The following FOXO1 variants were observed in gnomAD, a reference collection of about 807,000 sequenced individuals.
The protein encoded by FOXO1 is forkhead box protein O1.
In FOXO1, 6 loss-of-function variants were observed where a neutral mutation model predicts 44.1. That is an observed-to-expected ratio of 0.14 (90% CI 0.07 to 0.27). The LOEUF is 0.27. Ranked by LOEUF, FOXO1 falls within the 10% of genes least tolerant of loss-of-function variation. The probability of loss-of-function intolerance (pLI) is 1.00; values close to 1 mark genes in which losing one functional copy is unlikely to be tolerated. For synonymous variants in FOXO1, 380 were observed against 362.7 expected (o/e 1.05, Z -0.54); for missense variants, 737 against 888.8 (o/e 0.83, Z 2.17).
intron 1 of FOXO1, among the ~76,000 whole-genome samples, chr13:40,591,029 C>T (rs1329152539): frequency 2.6e-5 from 4 of 152,018 alleles, no homozygotes; most frequent in Non-Finnish European, 5.9e-5. Flanking sequence ...GAGGATGGGG[C>T]CTGGGGACAG....
chr13:40,590,736 T>C (rs1875335888), intron 1 of FOXO1, among the ~76,000 whole-genome samples: 1 of 152,216 alleles, frequency 6.6e-6, no homozygotes, highest in Non-Finnish European at 1.5e-5. Context: ...CACGCTGGAC[T>C]AATGCCTTCT....
chr13:40,607,751 C>T (rs1156662739), intron 1 of FOXO1, among the ~76,000 whole-genome samples: 1 of 152,236 alleles, frequency 6.6e-6, no homozygotes, highest in Non-Finnish European at 1.5e-5. Flanking sequence ...AATGGAGGTG[C>T]CAATAAATGA....
intron 1 of FOXO1, among the ~76,000 whole-genome samples, chr13:40,565,627 T>C (rs775915681): frequency 1.3e-5 from 2 of 152,224 alleles, no homozygotes; most frequent in African/African-American, 4.8e-5. Flanking sequence ...TTGTACACTG[T>C]ATCCTCACAG....
rs1873752058 is a variant in FOXO1 at position 40,556,406 on chromosome 13, T to C, written c.*2643A>G. 6.5e-6 allele frequency: 1 copy of C among 152,688 alleles called. No homozygotes were observed. Among genetic ancestry groups the C allele is most frequent in the Admixed American group, 6.5e-5 (1 of 15,288 alleles). 9.5% of individuals were successfully genotyped at this position (152,688 alleles called of 1,614,324 possible). Reference sequence around the variant, plus strand: ...AAACAATACATCTTTATATTTAAAATATCTGAATAGCTCTATAATACAATA... The same window carrying C: ...AAACAATACATCTTTATATTTAAAACATCTGAATAGCTCTATAATACAATA... On this transcript the variant is annotated 3_prime_UTR_variant, in exon 3 of 3. Coordinates refer to ENST00000379561, the MANE Select transcript of FOXO1 (RefSeq NM_002015.4).
At chr13:40,573,786 T>C (rs1458383449) in intron 1 of FOXO1, among the ~76,000 whole-genome samples, 1 of 152,240 alleles carries the variant, frequency 6.6e-6, no homozygotes, top group Non-Finnish European at 1.5e-5. Flanking sequence ...CTTGATCTTT[T>C]AAAACACACT....
chr13:40,608,235 A>G (rs1326628381), intron 1 of FOXO1, among the ~76,000 whole-genome samples: 2 of 152,196 alleles, frequency 1.3e-5, no homozygotes, highest in African/African-American at 4.8e-5. Context: ...TCTTGTCGGT[A>G]AAGTACACTT....
chr13:40,621,057 C>CA (rs1876597667), intron 1 of FOXO1: 1 of 193,098 alleles, frequency 5.2e-6, no homozygotes, highest in Non-Finnish European at 1.1e-5. Flanking sequence ...CTCGGCCTCC[C>CA]AAAGTGCTAG....
At position 40,620,444 on chromosome 13, in the gene FOXO1, A is replaced by C. The variant is rs1876571695; in HGVS notation, c.630+45139T>G. 26 of 647,044 alleles carry C rather than the reference A, an allele frequency of 4.0e-5. 1 individual carries two copies. The South Asian group carries it at 4.2e-4, about 10-fold the overall frequency. The allele number at this position is 647,044 out of a possible 1,614,324, so 40.1% of individuals were successfully genotyped here. On this transcript the variant is annotated intron_variant, in intron 1 of 2. Coordinates refer to ENST00000379561, the MANE Select transcript of FOXO1 (RefSeq NM_002015.4). ...TTTCTGAGAACGAGCTTGTTGAGCC[A>C]TCATCAGTGGCTCTTCGGTCAATCT...
intron 1 of FOXO1, among the ~76,000 whole-genome samples, chr13:40,644,968 A>G (rs1877465028): frequency 6.6e-6 from 1 of 152,238 alleles, no homozygotes; most frequent in African/African-American, 2.4e-5. Flanking sequence ...GCTAAACCAG[A>G]CTAAACCAGA....
intron 1 of FOXO1, among the ~76,000 whole-genome samples, chr13:40,561,825 C>T (rs1214330634): frequency 3.3e-5 from 5 of 150,660 alleles, no homozygotes; most frequent in African/African-American, 9.8e-5. Context: ...AAAAATTAGT[C>T]GGGTGTGGTG....
At chr13:40,590,486 C>G (rs977274892) in intron 1 of FOXO1, among the ~76,000 whole-genome samples, 1 of 152,216 alleles carries the variant, frequency 6.6e-6, no homozygotes, top group African/African-American at 2.4e-5. Context: ...GGATAGATGT[C>G]AAGTGTTCCA....
intron 1 of FOXO1, 74 bp downstream of exon 1, chr13:40,665,509 G>A (rs962036367): frequency 2.2e-4 from 269 of 1,239,550 alleles, no homozygotes; most frequent in Non-Finnish European, 2.6e-4. Context: ...TTCAGGCCGA[G>A]CAAACCTGCA....
At chr13:40,615,409 C>T (rs1391718668) in intron 1 of FOXO1, among the ~76,000 whole-genome samples, 1 of 152,010 alleles carries the variant, frequency 6.6e-6, no homozygotes, top group African/African-American at 2.4e-5. Context: ...GGGGTGCGCG[C>T]CTATAATCCC....
chr13:40,557,715 A>G lies in FOXO1; in HGVS notation c.*1334T>C, dbSNP rs1487339870. ...CCTCCACCTGGACTGAAACAAGAGC[A>G]AAGAATTATGAGGGGAAACTTTTGC... On this transcript the variant is annotated 3_prime_UTR_variant, in exon 3 of 3. Coordinates refer to ENST00000379561, the MANE Select transcript of FOXO1 (RefSeq NM_002015.4). The G allele has an allele frequency of 6.6e-6, 1 of 152,252 alleles. No homozygotes were observed. The highest frequency in any genetic ancestry group is 6.5e-5 in the Admixed American group (1 of 15,290). 9.4% of individuals were successfully genotyped at this position (152,252 alleles called of 1,614,324 possible). A position where few individuals can be genotyped will look rare whatever the true frequency, so the allele number is the denominator to read the frequency against.
intron 1 of FOXO1, among the ~76,000 whole-genome samples, chr13:40,589,321 C>T (rs557435575): frequency 1.3e-5 from 2 of 152,240 alleles, no homozygotes; most frequent in South Asian, 4.1e-4. Flanking sequence ...AAATCTTCTC[C>T]CCAATCAAGG....
At chr13:40,585,343 G>GCACACACACACACACACACA (rs1555248752) in intron 1 of FOXO1, among the ~76,000 whole-genome samples, 6 of 147,020 alleles carry the variant, frequency 4.1e-5, no homozygotes, top group South Asian at 2.2e-4. Context: ...CTGCGCGCGC[G>GCACACACACACACACACACA]CACACACACA....
chr13:40,641,801 C>T (rs552215096), intron 1 of FOXO1, among the ~76,000 whole-genome samples: 1 of 152,098 alleles, frequency 6.6e-6, no homozygotes, highest in African/African-American at 2.4e-5. Context: ...GCCTGGCCAA[C>T]ATGGTAAAAC....
chr13:40,631,097 T>G (rs563140963), intron 1 of FOXO1, among the ~76,000 whole-genome samples: 6 of 152,334 alleles, frequency 3.9e-5, no homozygotes, highest in Admixed American at 1.3e-4. Flanking sequence ...AAGGTCTTTG[T>G]TCCAGAGTTC....
intron 1 of FOXO1, among the ~76,000 whole-genome samples, chr13:40,640,613 T>C (rs1373675399): frequency 6.6e-6 from 1 of 152,246 alleles, no homozygotes; most frequent in Non-Finnish European, 1.5e-5. Flanking sequence ...AGGACTGACC[T>C]GTTCTTAGTA....
Sources: allele counts gnomAD v4.1 joint callset (sites outside exome capture counted in the v4.1 genomes callset), GRCh38; gene constraint gnomAD v4.1.1; transcripts MANE v1.5; gene names NCBI Gene and HGNC (gene_info 2026-07-23, HGNC 2026-07-21).